The following CELSR2 variants were observed in gnomAD, a reference collection of about 807,000 sequenced individuals.
CELSR2 encodes EGF-like protein 2.
CELSR2 carries 81 observed loss-of-function variants against 251.6 expected under a neutral mutation model. The ratio of observed to expected loss-of-function variants is 0.32; its 90% CI spans 0.27 to 0.39. The LOEUF (loss-of-function observed/expected upper bound fraction) is 0.39, where lower values mean the gene tolerates loss of function less well. Ranked by LOEUF, CELSR2 falls within the 10% of genes least tolerant of loss-of-function variation. The probability of loss-of-function intolerance (pLI) is 1.00; values close to 1 mark genes in which losing one functional copy is unlikely to be tolerated. For missense variants in CELSR2, 3,365 were observed against 3,947.7 expected (o/e 0.85, Z 3.96); for synonymous variants, 1,721 against 1,670.5 (o/e 1.03, Z -0.74).
Position 109,271,008 on chromosome 1 carries a change from G to C in CELSR2, c.7565G>C (p.Ser2522Thr), listed in dbSNP as rs1017627680. ...TCCATCTATGACACGCTCATCTGGA[G>C]TTTTGCTGGCCCGGTGGCCTTTGCC... is the stretch of plus-strand genomic sequence containing the variant. ...WLSIYDTLIWSFAGPVAFAVS... is the reference protein window; with the variant it reads ...WLSIYDTLIWTFAGPVAFAVS... Residue 2522 changes from serine (S) to threonine (T), a missense_variant, in exon 25 of 34, where the codon AGT becomes ACT. Transcript: ENST00000271332. 1 of 1,613,970 alleles carries C rather than the reference G, an allele frequency of 6.2e-7. No individual in the cohort carries two copies. Among genetic ancestry groups the C allele is most frequent in the African/African-American group, 1.3e-5 (1 of 75,012 alleles).
rs924316766 is a variant in CELSR2 at position 109,268,777 on chromosome 1, C to T, written c.6502+13C>T. 6 of 1,591,210 alleles carry T rather than the reference C, an allele frequency of 3.8e-6. No individual in the cohort carries two copies. Among genetic ancestry groups the T allele is most frequent in the Non-Finnish European group, 3.4e-6 (4 of 1,163,206 alleles). ...ACGCCCAACATTGGTAAGGCTGGTG[C>T]CTGGGTTGGGGAGGGGTTTGTGGAG... On this transcript the variant is annotated intron_variant, in intron 18 of 33. Transcript: ENST00000271332.
rs765027594 is a variant in CELSR2 at position 109,262,800 on chromosome 1, C to T, written c.4545-6C>T. The stretch of plus-strand genomic sequence containing the variant: ...CCTTGTGCCGCCACCATCTTTGCTC[C>T]CCCAGGTCTCTGGATCTGACGGGGC... On this transcript the variant is annotated splice_region_variant and splice_polypyrimidine_tract_variant and intron_variant, in intron 6 of 33. Coordinates refer to ENST00000271332, the MANE Select transcript of CELSR2 (RefSeq NM_001408.3). 6.2e-7 allele frequency: 1 copy of T among 1,610,514 alleles called. No homozygotes were observed. Among genetic ancestry groups the T allele is most frequent in the Non-Finnish European group, 8.5e-7 (1 of 1,177,908 alleles).
Position 109,272,630 on chromosome 1 carries a change from A to G in CELSR2, c.8055-10A>G, listed in dbSNP as rs611917. ...AGGCTGACCCCTCCAGCATGGTCTC[A>G]TCTTCCTAGGGAGGAGTCCGCACTG... On this transcript the variant is annotated splice_polypyrimidine_tract_variant and intron_variant, in intron 29 of 33. Transcript: ENST00000271332. 0.3 allele frequency: 490,151 copies of G among 1,610,362 alleles called. 76,647 individuals carry two copies. The highest frequency in any genetic ancestry group is 0.34 in the African/African-American group (25,169 of 74,892).
chr1:109,266,721 CTTTTT>C (rs36115271), intron 15 of CELSR2, among the ~76,000 whole-genome samples: 1 of 120,144 alleles, frequency 8.3e-6, no homozygotes, highest in Admixed American at 8.4e-5. Flanking sequence ...ACATTTTGGA[CTTTTT>C]TTTTTTTTTT....
Position 109,269,885 on chromosome 1 carries a change from AG to A in CELSR2, c.7108-46del. Reference sequence around the variant, plus strand: ...ACCCAGGGCACGGGGCTGGGTGCTCAGGTCCTGCCCTTCCTAATTCCCTGGC... The same window carrying A: ...ACCCAGGGCACGGGGCTGGGTGCTCAGTCCTGCCCTTCCTAATTCCCTGGC... On this transcript the variant is annotated intron_variant, in intron 22 of 33. Transcript: ENST00000271332. This position sits in a 1 kb window ranked among gnomAD's most constrained non-coding sequence, Gnocchi z 6.4. 6.2e-7 allele frequency: 1 copy of A among 1,613,640 alleles called. No homozygotes were observed. Among genetic ancestry groups the A allele is most frequent in the South Asian group, 1.1e-5 (1 of 91,070 alleles).
In CELSR2 at chr1:109,251,123, G is replaced by A. The variant is rs766137017; in HGVS notation, c.1044G>A (p.Val348=). Reference sequence around the variant, plus strand: ...TTGAGATCGACCCTCGCTCTGGGGTGATCCGAACCCGTGGCCCTGTGGATC... The same window carrying A: ...TTGAGATCGACCCTCGCTCTGGGGTAATCCGAACCCGTGGCCCTGTGGATC... ...EVFEIDPRSG[V]IRTRGPVDRE... Residue 348 remains valine, a synonymous_variant, in exon 1 of 34, where the codon GTG becomes GTA. Coordinates refer to ENST00000271332, the MANE Select transcript of CELSR2 (RefSeq NM_001408.3). This position sits in a 1 kb window ranked among gnomAD's most constrained non-coding sequence, Gnocchi z 4.9. The A allele has an allele frequency of 1.9e-6, 3 of 1,613,238 alleles. No homozygotes were observed. The highest frequency in any genetic ancestry group is 2.2e-5 in the South Asian group (2 of 91,070).
chr1:109,271,037 T>G lies in CELSR2; in HGVS notation c.7594T>G (p.Ser2532Ala), dbSNP rs1261370778. The G allele has an allele frequency of 2.5e-6, 4 of 1,612,400 alleles. No individual in the cohort carries two copies. The highest frequency in any genetic ancestry group is 3.4e-6 in the Non-Finnish European group (4 of 1,178,960). Residue 2532 changes from serine (S) to alanine (A), a missense_variant and splice_region_variant, in exon 25 of 34, where the codon TCG (serine) becomes GCG (alanine). Around this residue, in one of 5 missense-constraint regions of CELSR2, gnomAD observed 2,093 missense variants for 2,382.8 expected, o/e 0.88. Coordinates refer to ENST00000271332, the MANE Select transcript of CELSR2 (RefSeq NM_001408.3). ...TGCTGGCCCGGTGGCCTTTGCCGTC[T>G]CGGTGAGTGCTAGCAGGTGGGTTGG... ...SFAGPVAFAVSMSVFLYILAA... is the reference protein window; with the variant it reads ...SFAGPVAFAVAMSVFLYILAA...
rs776084621 is a variant in CELSR2, at chr1:109,264,577, A to G, written c.5413A>G (p.Asn1805Asp). ...TTGTGACTCAAACCCGTGTCCTGCT[A>G]ACAGCTATTGCAGCAACGACTGGGA... ...DPCDSNPCPA[N>D]SYCSNDWDSY... Residue 1805 changes from asparagine (N) to aspartate (D), a missense_variant, in exon 11 of 34, where the codon AAC (asparagine) becomes GAC (aspartate). Physicochemically the swap from Asn to Asp is conservative, Grantham distance 23. Transcript: ENST00000271332. The G allele has an allele frequency of 1.2e-6, 2 of 1,614,018 alleles. No homozygotes were observed. Among genetic ancestry groups the G allele is most frequent in the African/African-American group, 2.7e-5 (2 of 74,942 alleles).
At position 109,250,279 on chromosome 1, in the gene CELSR2, T is replaced by C; in HGVS notation, c.200T>C (p.Leu67Pro). The C allele has an allele frequency of 6.2e-7, 1 of 1,613,078 alleles. No individual in the cohort carries two copies. Among genetic ancestry groups the C allele is most frequent in the Non-Finnish European group, 8.5e-7 (1 of 1,179,948 alleles). ...LCPSSASNLW[L>P]YTSRCRDAGT... ...CCATCCTCAGCGTCGAACCTCTGGCTCTACACCAGCCGCTGCAGGGATGCG... is the reference window on the plus strand; with the variant it reads ...CCATCCTCAGCGTCGAACCTCTGGCCCTACACCAGCCGCTGCAGGGATGCG... The change falls in exon 1 of 34, where the codon CTC becomes CCC. Residue 67 changes from leucine to proline, a missense_variant. Physicochemically the swap from Leu to Pro is moderately conservative, Grantham distance 98. This residue lies in a region of CELSR2 where 704 missense variants were observed against 784.1 expected (regional missense o/e 0.90). Transcript: ENST00000271332. This position sits in a 1 kb window ranked among gnomAD's most constrained non-coding sequence, Gnocchi z 4.4.
rs1263129131 is a variant in CELSR2, at chr1:109,267,888, C to T, written c.6146C>T (p.Ser2049Leu). 6.2e-7 allele frequency: 1 copy of T among 1,609,638 alleles called. No individual in the cohort carries two copies. The highest frequency in any genetic ancestry group is 1.7e-5 in the Admixed American group (1 of 60,018). Residue 2049 changes from serine to leucine, a missense_variant, in exon 17 of 34, where the codon TCA becomes TTA. Ser to Leu is a moderately radical substitution (Grantham distance 145). This residue lies in a region of CELSR2 where 2,093 missense variants were observed against 2,382.8 expected (regional missense o/e 0.88). Transcript: ENST00000271332. ...RLQRNESGLD[S>L]GRSQQLALLL... Reference sequence around the variant, plus strand: ...CAGCGGAATGAGTCAGGCCTAGACTCAGGGCGCTCCCAGCAGCTAGCCCTG... The same window carrying T: ...CAGCGGAATGAGTCAGGCCTAGACTTAGGGCGCTCCCAGCAGCTAGCCCTG...
chr1:109,271,679 C>G lies in CELSR2; in HGVS notation c.7883C>G (p.Pro2628Arg). 3 of 1,614,036 alleles carry G rather than the reference C, an allele frequency of 1.9e-6. No individual in the cohort carries two copies. Among genetic ancestry groups the G allele is most frequent in the Non-Finnish European group, 2.5e-6 (3 of 1,180,052 alleles). ...CTCAAGCTTGCCTGCAGCCGCAAGC[C>G]CAGCCCTGACCCTGCTCTGACCACC... Reference protein sequence around the residue: ...KALKLACSRKPSPDPALTTKS... With the variant: ...KALKLACSRKRSPDPALTTKS... The change falls in exon 28 of 34, where the codon CCC becomes CGC. Residue 2628 changes from proline to arginine, a missense_variant. By Grantham distance (103) the Pro-to-Arg change is moderately radical. This residue lies in a region of CELSR2 where 2,093 missense variants were observed against 2,382.8 expected (regional missense o/e 0.88). Transcript: ENST00000271332.
rs773777726 is a variant in CELSR2 at position 109,251,665 on chromosome 1, C to G, written c.1586C>G (p.Ala529Gly). The G allele has an allele frequency of 6.2e-6, 10 of 1,613,986 alleles. No individual in the cohort carries two copies. Among genetic ancestry groups the G allele is most frequent in the African/African-American group, 2.7e-5 (2 of 75,024 alleles). The change falls in exon 1 of 34, where the codon GCT becomes GGT. Residue 529 changes from alanine to glycine, a missense_variant. By Grantham distance (60) the Ala-to-Gly change is moderately conservative. Coordinates refer to ENST00000271332, the MANE Select transcript of CELSR2 (RefSeq NM_001408.3). The surrounding 1 kb of genome is among the most constrained non-coding windows in gnomAD (Gnocchi z 4.9). ...PLGYLVLHVQ[A>G]IDADAGDNAR... is the part of the protein sequence containing the mutation. The stretch of plus-strand genomic sequence containing the variant: ...GGCTACCTGGTTCTCCATGTCCAGG[C>G]TATCGACGCTGATGCTGGTGACAAT...
intron 16 of CELSR2, 104 bp downstream of exon 16, chr1:109,267,746 T>C (rs2101269476): frequency 6.4e-7 from 1 of 1,555,514 alleles, no homozygotes; most frequent in Non-Finnish European, 8.7e-7. Flanking sequence ...TTCCAGCCTG[T>C]GTGTTCCTGG....
intron 9 of CELSR2, 50 bp downstream of exon 9, chr1:109,263,827 A>G (rs1289896746): frequency 2.5e-6 from 4 of 1,589,790 alleles, no homozygotes; most frequent in East Asian, 2.2e-5. Flanking sequence ...GGGCCCTGGT[A>G]GCCTCTAGGC....
At chr1:109,266,742 A>G in intron 15 of CELSR2, among the ~76,000 whole-genome samples, 1 of 128,060 alleles carries the variant, frequency 7.8e-6, no homozygotes. Context: ...TTTTTTTGAG[A>G]CGGAGTCTCG....
chr1:109,272,288 G>A lies in CELSR2; in HGVS notation c.7937G>A (p.Cys2646Tyr). Residue 2646 changes from cysteine to tyrosine, a missense_variant, in exon 29 of 34, where the codon TGC becomes TAC. By Grantham distance (194) the Cys-to-Tyr change is radical. This residue lies in a region of CELSR2 where 2,093 missense variants were observed against 2,382.8 expected (regional missense o/e 0.88). Coordinates refer to ENST00000271332, the MANE Select transcript of CELSR2 (RefSeq NM_001408.3). ...CTGTTCCCTGCCTAGTCCTACAACT[G>A]CCCCAGCCCCTACGCAGATGGGCGG... ...TKSTLTSSYN[C>Y]PSPYADGRLY... 3 of 1,600,610 alleles carry A rather than the reference G, an allele frequency of 1.9e-6. No individual in the cohort carries two copies. The highest frequency in any genetic ancestry group is 2.2e-5 in the East Asian group (1 of 44,554).
Position 109,250,559 on chromosome 1 carries a change from A to G in CELSR2, c.480A>G (p.Glu160=). The G allele has an allele frequency of 6.2e-7, 1 of 1,614,034 alleles. No homozygotes were observed. The highest frequency in any genetic ancestry group is 8.5e-7 in the Non-Finnish European group (1 of 1,180,018). The change falls in exon 1 of 34, where the codon GAA becomes GAG. Residue 160 remains glutamate, a synonymous_variant. Transcript: ENST00000271332. This position sits in a 1 kb window ranked among gnomAD's most constrained non-coding sequence, Gnocchi z 4.4. ...AGGCCCCCGGGCTCAGGGCAGGGGA[A>G]AGGTCACCAGAAGAGTCCCTGGGTG... ...LAQAPGLRAG[E]RSPEESLGGR...
In CELSR2 at chr1:109,274,179, C is replaced by G; in HGVS notation, c.*130C>G. On this transcript the variant is annotated 3_prime_UTR_variant, in exon 34 of 34. Transcript: ENST00000271332. ...CCCGCAGCAGCGACGAAACGTCCATCTGAGGAGCCTGGGCCTTGCCGGGAG... is the reference window on the plus strand; with the variant it reads ...CCCGCAGCAGCGACGAAACGTCCATGTGAGGAGCCTGGGCCTTGCCGGGAG... 2 of 1,592,542 alleles carry G rather than the reference C, an allele frequency of 1.3e-6. No homozygotes were observed. The highest frequency in any genetic ancestry group is 2.2e-5 in the East Asian group (1 of 44,666).
At chr1:109,270,303 T>C in intron 23 of CELSR2, 123 bp from the exon 24 acceptor site, 2 of 1,327,232 alleles carry the variant, frequency 1.5e-6, no homozygotes, top group Admixed American at 1.8e-5. Context: ...AGCACCTGCC[T>C]CTGGCCCAGG....
Sources: gnomAD v4.1 joint callset for allele counts (sites outside exome capture counted in the v4.1 genomes callset) on GRCh38, gnomAD v4.1.1 for gene constraint, gnomAD v4.1.1 regional missense constraint, Gnocchi (gnomAD v3.1) non-coding constraint, MANE v1.5 for transcripts, NCBI Gene and HGNC (gene_info 2026-07-23, HGNC 2026-07-21) for gene names.